Variants in SVOPL observed in about 807,000 individuals in gnomAD.
SVOPL encodes the protein putative transporter SVOPL.
In SVOPL, 60 loss-of-function variants were observed where a neutral mutation model predicts 61.0. The observed-to-expected ratio is 0.98, with a 90% CI of 0.80 to 1.22. The LOEUF (loss-of-function observed/expected upper bound fraction) is 1.22, where lower values mean the gene tolerates loss of function less well. Among genes scored for constraint, SVOPL ranks in the 50% most tolerant of loss-of-function variants. The pLI is 0.00. For synonymous variants in SVOPL, 279 were observed against 250.0 expected (o/e 1.12, Z -1.09); for missense variants, 662 against 643.9 (o/e 1.03, Z -0.30).
intron 4 of SVOPL, among the ~76,000 whole-genome samples, chr7:138,671,588 T>C (rs1287523827): frequency 1.3e-5 from 2 of 152,190 alleles, no homozygotes; most frequent in Non-Finnish European, 2.9e-5. Context: ...CCTCAGGTGA[T>C]CTGCCTGCCT....
intron 1 of SVOPL, among the ~76,000 whole-genome samples, chr7:138,693,573 G>GAAAGAAAC (rs1802998108): frequency 3.5e-5 from 3 of 85,678 alleles, no homozygotes; most frequent in African/African-American, 9.1e-5. Flanking sequence ...AAGAAAGAAA[G>GAAAGAAAC]AAAAAAGGAA....
chr7:138,641,703 T>G (rs896867215), intron 9 of SVOPL, among the ~76,000 whole-genome samples: 2 of 148,258 alleles, frequency 1.3e-5, no homozygotes, highest in African/African-American at 4.9e-5. Context: ...ACCTCAAAAT[T>G]TATGAAATAT....
chr7:138,688,160 G>A (rs1310010967), intron 1 of SVOPL, among the ~76,000 whole-genome samples: 1 of 152,098 alleles, frequency 6.6e-6, no homozygotes, highest in Non-Finnish European at 1.5e-5. Context: ...AAGAAGATAT[G>A]CAAATGGCCA....
intron 4 of SVOPL, among the ~76,000 whole-genome samples, chr7:138,670,472 A>C (rs1051817517): frequency 6.6e-6 from 1 of 152,134 alleles, no homozygotes; most frequent in Non-Finnish European, 1.5e-5. Context: ...TGACAACGGG[A>C]TGACTCCACC....
intron 3 of SVOPL, among the ~76,000 whole-genome samples, chr7:138,672,710 G>A (rs1262622770): frequency 1.3e-5 from 2 of 149,092 alleles, no homozygotes; most frequent in African/African-American, 5.0e-5. Context: ...GCCCAGGCTG[G>A]AAACTCCTGG....
intron 1 of SVOPL, 86 bp from the exon 2 acceptor site, chr7:138,679,165 T>G: frequency 1.1e-6 from 1 of 916,376 alleles, no homozygotes; most frequent in Middle Eastern, 2.3e-4. Context: ...CACACAAAAT[T>G]TCCTGAAGCC....
At chr7:138,609,127 TAATTAC>T (rs1040696263) in intron 14 of SVOPL, among the ~76,000 whole-genome samples, 1 of 152,026 alleles carries the variant, frequency 6.6e-6, no homozygotes, top group African/African-American at 2.4e-5. Flanking sequence ...AAAGAAACAC[TAATTAC>T]AATAATAAAG....
intron 14 of SVOPL, among the ~76,000 whole-genome samples, chr7:138,606,149 G>A (rs2116783849): frequency 6.6e-6 from 1 of 152,252 alleles, no homozygotes; most frequent in Middle Eastern, 3.4e-3. Context: ...GGCGAGTAAA[G>A]TCTATTGGAA....
At chr7:138,679,934 T>C (rs1802662780) in intron 1 of SVOPL, among the ~76,000 whole-genome samples, 2 of 152,144 alleles carry the variant, frequency 1.3e-5, no homozygotes, top group African/African-American at 2.4e-5. Flanking sequence ...ATGGAGAGAC[T>C]AAATGGCTAA....
At chr7:138,598,514 A>G (rs1033198819) in intron 14 of SVOPL, among the ~76,000 whole-genome samples, 1 of 152,202 alleles carries the variant, frequency 6.6e-6, no homozygotes, top group African/African-American at 2.4e-5. Context: ...ATAACAGAAT[A>G]CATCTTCTGT....
At chr7:138,663,245 G>C in intron 4 of SVOPL, 100 bp from the exon 5 acceptor site, 3 of 1,538,372 alleles carry the variant, frequency 2.0e-6, no homozygotes, top group Non-Finnish European at 2.6e-6. Context: ...AAATACGGGA[G>C]GGATGGAAGT....
At chr7:138,637,463 T>TATAGATATAGATATAG (rs1554463006) in intron 9 of SVOPL, among the ~76,000 whole-genome samples, 10 of 19,112 alleles carry the variant, frequency 5.2e-4, no homozygotes, top group African/African-American at 1.3e-3. Flanking sequence ...TAGATATATA[T>TATAGATATAGATATAG]ATATAGATAT....
intron 5 of SVOPL, 55 bp downstream of exon 5, chr7:138,663,019 C>T: frequency 6.2e-7 from 1 of 1,612,168 alleles, no homozygotes; most frequent in Non-Finnish European, 8.5e-7. Flanking sequence ...ATAAGGTTGC[C>T]CCCAAAAGAA....
intron 1 of SVOPL, among the ~76,000 whole-genome samples, chr7:138,699,535 C>T (rs1392364656): frequency 2.0e-5 from 3 of 152,120 alleles, no homozygotes; most frequent in Admixed American, 6.6e-5. Flanking sequence ...CCTCAGTGTG[C>T]TACTTTCCTA....
At chr7:138,669,085 C>G (rs1476789414) in intron 4 of SVOPL, among the ~76,000 whole-genome samples, 1 of 152,200 alleles carries the variant, frequency 6.6e-6, no homozygotes, top group Non-Finnish European at 1.5e-5. Flanking sequence ...CCTTGTCTTG[C>G]TCCTTCGCCC....
intron 4 of SVOPL, among the ~76,000 whole-genome samples, chr7:138,669,465 T>C (rs1427534805): frequency 6.6e-6 from 1 of 152,038 alleles, no homozygotes; most frequent in Non-Finnish European, 1.5e-5. Context: ...TTAAACCTGC[T>C]CCCTAGGGAT....
chr7:138,693,225 GC>G (rs1379407639), intron 1 of SVOPL, among the ~76,000 whole-genome samples: 2 of 152,020 alleles, frequency 1.3e-5, no homozygotes, highest in Non-Finnish European at 2.9e-5. Context: ...GAAATTTCTT[GC>G]CAGGTGTGGT....
chr7:138,633,816 C>A (rs577930589), intron 9 of SVOPL, among the ~76,000 whole-genome samples: 2 of 152,202 alleles, frequency 1.3e-5, no homozygotes, highest in Non-Finnish European at 2.9e-5. Context: ...CTCACACTTA[C>A]AATGTAGGCC....
At chr7:138,632,538 A>C (rs1800258459) in intron 9 of SVOPL, among the ~76,000 whole-genome samples, 1 of 151,980 alleles carries the variant, frequency 6.6e-6, no homozygotes, top group African/African-American at 2.4e-5. Context: ...AGGAGGAGGA[A>C]GTGGGAACAG....
Sources: allele counts gnomAD v4.1 joint callset (sites outside exome capture counted in the v4.1 genomes callset), GRCh38; gene constraint gnomAD v4.1.1; transcripts MANE v1.5; gene names NCBI Gene and HGNC (gene_info 2026-07-23, HGNC 2026-07-21).